OR9Q1: variants seen among roughly 807,000 people sequenced by gnomAD.
OR9Q1 encodes olfactory receptor family 9 subfamily Q member 1, also known as olfactory receptor 9Q1.
For missense variants in OR9Q1, 374 were observed against 378.8 expected (o/e 0.99, Z 0.11); for synonymous variants, 153 against 148.6 (o/e 1.03, Z -0.22).
At chr11:58,024,319 A>G (rs1394863570) in intron 1 of OR9Q1, among the ~76,000 whole-genome samples, 10 of 151,312 alleles carry the variant, frequency 6.6e-5, no homozygotes, top group Non-Finnish European at 1.0e-4. Flanking sequence ...CATAACACCC[A>G]CCCACTGCGC....
intron 2 of OR9Q1, among the ~76,000 whole-genome samples, chr11:58,129,697 C>T (rs1854122927): frequency 6.6e-6 from 1 of 152,050 alleles, no homozygotes; most frequent in South Asian, 2.1e-4. Flanking sequence ...AGTGTAAATA[C>T]CCCATCACCA....
chr11:58,068,182 C>A (rs1242866011), intron 2 of OR9Q1, among the ~76,000 whole-genome samples: 7 of 145,760 alleles, frequency 4.8e-5, no homozygotes, highest in African/African-American at 2.6e-5. Context: ...TACAAAAATA[C>A]AAAAAAAAAA....
At chr11:58,106,513 C>T (rs1417283167) in intron 2 of OR9Q1, among the ~76,000 whole-genome samples, 1 of 152,040 alleles carries the variant, frequency 6.6e-6, no homozygotes, top group Non-Finnish European at 1.5e-5. Flanking sequence ...TAGTTCCACT[C>T]ATCAATTTTG....
chr11:58,029,982 C>T (rs535226714), intron 1 of OR9Q1, among the ~76,000 whole-genome samples: 1 of 152,034 alleles, frequency 6.6e-6, no homozygotes, highest in Non-Finnish European at 1.5e-5. Context: ...GCTGGGATTA[C>T]AGGTGCCCAC....
intron 2 of OR9Q1, among the ~76,000 whole-genome samples, chr11:58,155,533 A>C (rs2513711): frequency 0.38 from 58,328 of 152,008 alleles, 11,521 homozygotes; most frequent in Admixed American, 0.46. Flanking sequence ...TTTTGTGCTT[A>C]CCTTGCCTCA....
intron 1 of OR9Q1, among the ~76,000 whole-genome samples, chr11:58,024,932 G>A (rs1156989143): frequency 1.3e-5 from 2 of 152,096 alleles, no homozygotes; most frequent in Non-Finnish European, 2.9e-5. Flanking sequence ...AAAATGGCAC[G>A]GTGTGGAGGC....
At chr11:58,150,260 C>T (rs1325975208) in intron 2 of OR9Q1, among the ~76,000 whole-genome samples, 2 of 152,050 alleles carry the variant, frequency 1.3e-5, no homozygotes, top group Non-Finnish European at 2.9e-5. Flanking sequence ...TATGTATCTT[C>T]TTGGAGAAAT....
chr11:58,133,164 G>A (rs922376208), intron 2 of OR9Q1, among the ~76,000 whole-genome samples: 2 of 152,212 alleles, frequency 1.3e-5, no homozygotes, highest in Non-Finnish European at 2.9e-5. Context: ...GACTGGAAAT[G>A]TACTTGATAA....
At chr11:58,140,078 T>A (rs1854231402) in intron 2 of OR9Q1, among the ~76,000 whole-genome samples, 1 of 152,220 alleles carries the variant, frequency 6.6e-6, no homozygotes, top group Admixed American at 6.5e-5. Context: ...GCTGCATAAA[T>A]GTCTTCTTTC....
At chr11:58,058,049 G>C (rs1853344365) in intron 2 of OR9Q1, among the ~76,000 whole-genome samples, 1 of 152,170 alleles carries the variant, frequency 6.6e-6, no homozygotes, top group Non-Finnish European at 1.5e-5. Flanking sequence ...CTTTCATTAG[G>C]CCACACTGCC....
At chr11:58,173,054 AT>A in intron 2 of OR9Q1, among the ~76,000 whole-genome samples, 1 of 152,324 alleles carries the variant, frequency 6.6e-6, no homozygotes, top group East Asian at 1.9e-4. Flanking sequence ...AAATAAAAAA[AT>A]AAAAGCTGTT....
chr11:58,034,735 T>TCTCCTTCCTTCCTTCCTTCC, intron 1 of OR9Q1, among the ~76,000 whole-genome samples: 1 of 111,404 alleles, frequency 9.0e-6, no homozygotes, highest in Non-Finnish European at 1.8e-5. Flanking sequence ...GGTTTCTTTC[T>TCTCCTTCCTTCCTTCCTTCC]TTCCTTCCTT....
intron 2 of OR9Q1, chr11:58,109,466 G>T (rs771610676): frequency 2.2e-6 from 1 of 463,446 alleles, no homozygotes; most frequent in Non-Finnish European, 4.3e-6. Flanking sequence ...AGGAAAGCAA[G>T]GTGGCTCAGG....
intron 1 of OR9Q1, among the ~76,000 whole-genome samples, chr11:58,048,552 T>C (rs1853243527): frequency 6.6e-6 from 1 of 150,698 alleles, no homozygotes. Flanking sequence ...CCCCAGCTAC[T>C]TGGGAGGCTG....
intron 2 of OR9Q1, chr11:58,171,756 A>G (rs1446754359): frequency 6.6e-6 from 1 of 152,004 alleles, no homozygotes; most frequent in East Asian, 1.9e-4. Context: ...ACATTCAACA[A>G]CCTCCTCTGT....
intron 1 of OR9Q1, among the ~76,000 whole-genome samples, chr11:58,040,388 C>T (rs61904010): frequency 0.16 from 24,420 of 152,110 alleles, 2,092 homozygotes; most frequent in Non-Finnish European, 0.2. Flanking sequence ...GTTTATATAG[C>T]TATGACAGCA....
intron 2 of OR9Q1, chr11:58,118,519 TGGA>T: frequency 1.9e-6 from 3 of 1,604,918 alleles, no homozygotes; most frequent in Non-Finnish European, 2.6e-6. Flanking sequence ...CAGGGACACC[TGGA>T]GTCTCCTAGC....
intron 1 of OR9Q1, among the ~76,000 whole-genome samples, chr11:58,053,053 G>A (rs1853282526): frequency 1.3e-5 from 2 of 151,546 alleles, no homozygotes; most frequent in Admixed American, 6.6e-5. Context: ...ATTCCTCAGG[G>A]ATCTAGAACT....
At chr11:58,038,116 G>A (rs946298352) in intron 1 of OR9Q1, among the ~76,000 whole-genome samples, 8 of 151,704 alleles carry the variant, frequency 5.3e-5, no homozygotes, top group African/African-American at 1.5e-4. Context: ...ACATATTAAC[G>A]TGAATATTGC....
Sources: allele counts gnomAD v4.1 joint callset (sites outside exome capture counted in the v4.1 genomes callset), GRCh38; gene constraint gnomAD v4.1.1; transcripts MANE v1.5; gene names NCBI Gene and HGNC (gene_info 2026-07-23, HGNC 2026-07-21).